Variants in TCTN1 observed in about 807,000 individuals in gnomAD.
TCTN1 encodes tectonic-1.
Under a neutral mutation model 65.8 loss-of-function variants are expected in TCTN1, and 58 were observed. That is an observed-to-expected ratio of 0.88 (90% CI 0.71 to 1.10). The LOEUF is 1.10. Ranked by LOEUF, TCTN1 falls within the 50% of genes least tolerant of loss-of-function variation. TCTN1 has a pLI of 0.00. For synonymous variants in TCTN1, 273 were observed against 289.1 expected, an observed-to-expected ratio of 0.94 and a Z score of 0.57; for missense variants, 645 against 719.4, an observed-to-expected ratio of 0.90 and a Z score of 1.18.
In TCTN1 at chr12:110,622,344, T is replaced by C. The variant is rs150214896; in HGVS notation, c.341+2388T>C. Reference sequence around the variant, plus strand: ...AGTCTTTCCTTTCTCCCAACCTTTCTTGAGTACCTCCTGAATGCCAGCACC... The same window carrying C: ...AGTCTTTCCTTTCTCCCAACCTTTCCTGAGTACCTCCTGAATGCCAGCACC... On this transcript the variant is annotated intron_variant, in intron 2 of 14. Coordinates refer to ENST00000397659, the MANE Select transcript of TCTN1 (RefSeq NM_001082538.3). Among the ~76,000 whole-genome samples, 137 of 152,242 alleles carry C rather than the reference T, an allele frequency of 9.0e-4. 1 individual carries two copies. Among genetic ancestry groups the C allele is most frequent in the Middle Eastern group, 3.4e-3 (1 of 294 alleles).
intron 3 of TCTN1, chr12:110,628,101 G>A: frequency 6.5e-7 from 1 of 1,536,006 alleles, no homozygotes; most frequent in East Asian, 2.4e-5. Context: ...GTAGAAGTCG[G>A]ATTCTTTCAT....
chr12:110,648,443 T>TAAAG (rs569797399), intron 14 of TCTN1, among the ~76,000 whole-genome samples: 66 of 152,260 alleles, frequency 4.3e-4, no homozygotes, highest in African/African-American at 1.5e-3. Flanking sequence ...GGGGAGATGG[T>TAAAG]AAAGAACATG....
chr12:110,614,520 T>G, intron 1 of TCTN1, 118 bp downstream of exon 1: 1 of 1,525,166 alleles, frequency 6.6e-7, no homozygotes, highest in Non-Finnish European at 8.8e-7. Context: ...GTGCAGACAC[T>G]GCTGAGTGTT....
intron 3 of TCTN1, chr12:110,628,127 G>T: frequency 2.6e-6 from 4 of 1,536,056 alleles, no homozygotes; most frequent in Non-Finnish European, 3.5e-6. Context: ...TAGCCATCCG[G>T]AGAGAGCTTC....
Position 110,645,111 on chromosome 12 carries a change from C to A in TCTN1, c.1476C>A (p.Thr492=). 6.2e-7 allele frequency: 1 copy of A among 1,614,080 alleles called. No homozygotes were observed. The highest frequency in any genetic ancestry group is 2.2e-5 in the East Asian group (1 of 44,882). ...ACTGGGTGCCCATCCACTTCATCAC[C>A]CAGTCATTCAACAGGAAGGTAAAGG... ...MLDWVPIHFI[T]QSFNRKHFVL... Residue 492 remains threonine (T), a synonymous_variant, in exon 12 of 15, where the codon ACC becomes ACA. Coordinates refer to ENST00000397659, the MANE Select transcript of TCTN1 (RefSeq NM_001082538.3).
rs1213722844 is a variant in TCTN1, at chr12:110,642,282, A to C, written c.1224A>C (p.Gly408=). 1 of 1,614,216 alleles carries C rather than the reference A, an allele frequency of 6.2e-7. No homozygotes were observed. Among genetic ancestry groups the C allele is most frequent in the Non-Finnish European group, 8.5e-7 (1 of 1,180,034 alleles). ...TTATTCAGACCACAAATAGATATGG[A>C]CAGCTTACTATTCTTCATAGCACAA... ...SGIIQTTNRY[G]QLTILHSTTE... The change falls in exon 11 of 15, where the codon GGA becomes GGC. Residue 408 remains glycine, a synonymous_variant. Coordinates refer to ENST00000397659, the MANE Select transcript of TCTN1 (RefSeq NM_001082538.3).
At position 110,640,943 on chromosome 12, in the gene TCTN1, A is replaced by G. The variant is rs1177483968; in HGVS notation, c.979-81A>G. 10 of 1,587,554 alleles carry G rather than the reference A, an allele frequency of 6.3e-6. No homozygotes were observed. The highest frequency in any genetic ancestry group is 4.4e-5 in the South Asian group (4 of 90,364). On this transcript the variant is annotated intron_variant, in intron 8 of 14. Coordinates refer to ENST00000397659, the MANE Select transcript of TCTN1 (RefSeq NM_001082538.3). The surrounding 1 kb of genome is among the most constrained non-coding windows in gnomAD (Gnocchi z 4.9). ...ATGGAGAAACAGGGAAAGATTTGCT[A>G]TCTATGGGTGTTTTCAGTTATTCAT...
Position 110,642,384 on chromosome 12 carries a change from A to G in TCTN1, c.1326A>G (p.Lys442=). ...GTTACACTATGCAATCTGGCTGTAAACTAAGGTAAAAGAGTCACTTGTTTC... is the reference window on the plus strand; with the variant it reads ...GTTACACTATGCAATCTGGCTGTAAGCTAAGGTAAAAGAGTCACTTGTTTC... The part of the protein sequence containing the change: ...LFGYTMQSGC[K]LRLTGALPCQ... The change falls in exon 11 of 15, where the codon AAA becomes AAG. Residue 442 remains lysine, a synonymous_variant. Coordinates refer to ENST00000397659, the MANE Select transcript of TCTN1 (RefSeq NM_001082538.3). 6.2e-7 allele frequency: 1 copy of G among 1,614,210 alleles called. No individual in the cohort carries two copies. Among genetic ancestry groups the G allele is most frequent in the South Asian group, 1.1e-5 (1 of 91,090 alleles).
intron 12 of TCTN1, chr12:110,646,364 G>A (rs1172870314): frequency 1.3e-5 from 2 of 151,850 alleles, no homozygotes; most frequent in Non-Finnish European, 1.5e-5. Flanking sequence ...GGCCTGTGAG[G>A]TTTTCATATC....
intron 6 of TCTN1, among the ~76,000 whole-genome samples, chr12:110,635,288 AATG>A (rs2066483377): frequency 6.6e-6 from 1 of 152,168 alleles, no homozygotes; most frequent in African/African-American, 2.4e-5. Flanking sequence ...AAACTGAAGA[AATG>A]ATGAGGCCAC....
intron 5 of TCTN1, 57 bp from the exon 6 acceptor site, chr12:110,634,613 T>C: frequency 6.9e-7 from 1 of 1,445,580 alleles, no homozygotes; most frequent in Non-Finnish European, 9.4e-7. Context: ...ATTGGAAAAT[T>C]GAAAAATTTC....
chr12:110,642,147 G>A, intron 10 of TCTN1, 102 bp from the exon 11 acceptor site: 1 of 1,489,570 alleles, frequency 6.7e-7, no homozygotes, highest in Non-Finnish European at 9.3e-7. Context: ...CCCAGAAAAA[G>A]TGTATTTGGG....
Position 110,649,233 on chromosome 12 carries a change from T to TTGGTGGTAC in TCTN1, c.*196_*204dup, listed in dbSNP as rs2067663390. The TTGGTGGTAC allele has an allele frequency of 4.5e-6, 3 of 672,568 alleles. No individual in the cohort carries two copies. The highest frequency in any genetic ancestry group is 8.1e-6 in the Non-Finnish European group (3 of 370,084). 41.7% of individuals were successfully genotyped at this position (672,568 alleles called of 1,614,324 possible). On this transcript the variant is annotated 3_prime_UTR_variant, in exon 15 of 15. Transcript: ENST00000397659. The stretch of plus-strand genomic sequence containing the variant: ...TGGGGTGGGAGTGGATGGGCAGCTC[T>TTGGTGGTAC]TGGTGGTACTGGACCTTCCACAAGG...
intron 1 of TCTN1, among the ~76,000 whole-genome samples, chr12:110,615,511 C>T (rs111310140): frequency 0.032 from 4,835 of 152,206 alleles, 103 homozygotes; most frequent in South Asian, 0.057. Flanking sequence ...GACAAGGTCT[C>T]GCTCTGTTAC....
chr12:110,645,018 G>A lies in TCTN1; in HGVS notation c.1383G>A (p.Leu461=), dbSNP rs377488330. The change falls in exon 12 of 15, where the codon CTG becomes CTA. Residue 461 remains leucine, a synonymous_variant. Coordinates refer to ENST00000397659, the MANE Select transcript of TCTN1 (RefSeq NM_001082538.3). ...CQLVAQKVKS[L]LWGQGFPDYV... ...TCGTAGCACAGAAGGTGAAGAGCCT[G>A]CTGTGGGGCCAGGGCTTCCCAGATT... 4.0e-5 allele frequency: 65 copies of A among 1,614,134 alleles called. No individual in the cohort carries two copies. In the African/African-American group the frequency reaches 6.9e-4, roughly 17 times the overall value.
chr12:110,617,777 AC>A (rs1358584933), intron 1 of TCTN1, among the ~76,000 whole-genome samples: 1 of 149,828 alleles, frequency 6.7e-6, no homozygotes, highest in Non-Finnish European at 1.5e-5. Flanking sequence ...AGTAGCTGGG[AC>A]TACGGGTGTG....
Position 110,648,022 on chromosome 12 carries a change from A to AG in TCTN1, c.*1+130dup, listed in dbSNP as rs1224956869. The stretch of plus-strand genomic sequence containing the variant: ...GGTCTCGCTTTGTTGCCCAGGCTGG[A>AG]GTGCAGTGGTGTGATCATGGCTCAC... On this transcript the variant is annotated intron_variant, in intron 14 of 14. Coordinates refer to ENST00000397659, the MANE Select transcript of TCTN1 (RefSeq NM_001082538.3). 1.4e-5 allele frequency: 20 copies of AG among 1,394,330 alleles called. No homozygotes were observed. The Admixed American group carries it at 3.7e-4, about 26-fold the overall frequency. 86.4% of individuals were successfully genotyped at this position (1,394,330 alleles called of 1,614,324 possible). A position where few individuals can be genotyped will look rare whatever the true frequency, so the allele number is the denominator to read the frequency against.
chr12:110,644,673 T>C lies in TCTN1; in HGVS notation c.1332-294T>C, dbSNP rs1456956992. On this transcript the variant is annotated intron_variant, in intron 11 of 14. Coordinates refer to ENST00000397659, the MANE Select transcript of TCTN1 (RefSeq NM_001082538.3). The surrounding 1 kb of genome is among the most constrained non-coding windows in gnomAD (Gnocchi z 4.6). ...AGCCTGGGCAACAGAGCAAACTCCATCTCAAAACAAAACAAAAAAACCAAA... is the reference window on the plus strand; with the variant it reads ...AGCCTGGGCAACAGAGCAAACTCCACCTCAAAACAAAACAAAAAAACCAAA... The C allele has an allele frequency of 2.5e-6, 1 of 395,668 alleles. No homozygotes were observed. The highest frequency in any genetic ancestry group is 4.8e-6 in the Non-Finnish European group (1 of 209,372). 24.5% of individuals were successfully genotyped at this position (395,668 alleles called of 1,614,324 possible).
At position 110,641,440 on chromosome 12, in the gene TCTN1, G is replaced by T. The variant is rs1333748960; in HGVS notation, c.1105-102G>T. ...GTAGGGAGGGAGAAATTCTTTTATT[G>T]GTTGGTAATTCCATATTTTATTATG... On this transcript the variant is annotated intron_variant, in intron 9 of 14. Coordinates refer to ENST00000397659, the MANE Select transcript of TCTN1 (RefSeq NM_001082538.3). 3 of 1,164,110 alleles carry T rather than the reference G, an allele frequency of 2.6e-6. No homozygotes were observed. In the East Asian group the frequency reaches 7.2e-5, roughly 28 times the overall value. 72.1% of individuals were successfully genotyped at this position (1,164,110 alleles called of 1,614,324 possible).
Sources: gnomAD v4.1 joint callset for allele counts (sites outside exome capture counted in the v4.1 genomes callset) on GRCh38, gnomAD v4.1.1 for gene constraint, Gnocchi (gnomAD v3.1) non-coding constraint, MANE v1.5 for transcripts, NCBI Gene and HGNC (gene_info 2026-07-23, HGNC 2026-07-21) for gene names.